FRAS1: variants seen among roughly 807,000 people sequenced by gnomAD.
The protein encoded by FRAS1 is extracellular matrix organizing protein FRAS1.
FRAS1 carries 290 observed loss-of-function variants against 435.2 expected under a neutral mutation model. That is an observed-to-expected ratio of 0.67 (90% CI 0.61 to 0.73). The LOEUF (loss-of-function observed/expected upper bound fraction) is 0.73, where lower values mean the gene tolerates loss of function less well. Among genes scored for constraint, FRAS1 ranks in the 30% least tolerant of loss-of-function variants. The pLI is 0.00. For missense variants in FRAS1, 4,860 were observed against 5,001.5 expected (o/e 0.97, Z 0.85); for synonymous variants, 1,800 against 1,851.0 (o/e 0.97, Z 0.71).
intron 2 of FRAS1, among the ~76,000 whole-genome samples, chr4:78,069,537 C>T (rs4859912): frequency 0.21 from 31,410 of 152,054 alleles, 3,490 homozygotes; most frequent in African/African-American, 0.27. Flanking sequence ...TACAAACCAG[C>T]TCTGTGACAT....
chr4:78,486,590 A>T (rs1720174674), intron 58 of FRAS1, among the ~76,000 whole-genome samples: 1 of 152,144 alleles, frequency 6.6e-6, no homozygotes, highest in African/African-American at 2.4e-5. Context: ...CTTCCTGGGG[A>T]TTATACTGCC....
intron 66 of FRAS1, 129 bp from the exon 67 acceptor site, chr4:78,519,202 C>A: frequency 1.4e-6 from 1 of 726,732 alleles, no homozygotes; most frequent in Non-Finnish European, 2.0e-6. Context: ...ATCATGGGCA[C>A]TTGCTTAATA....
chr4:78,095,165 T>G (rs1741733099), intron 2 of FRAS1, among the ~76,000 whole-genome samples: 1 of 152,240 alleles, frequency 6.6e-6, no homozygotes, highest in Non-Finnish European at 1.5e-5. Context: ...TATTTAAAAA[T>G]GTTGAAACTT....
Position 78,317,471 on chromosome 4 carries a change from T to C in FRAS1, c.1923T>C (p.Cys641=). 2 of 1,613,808 alleles carry C rather than the reference T, an allele frequency of 1.2e-6. No homozygotes were observed. Among genetic ancestry groups the C allele is most frequent in the South Asian group, 2.2e-5 (2 of 91,070 alleles). ...GTCAAGGCCACTGTCTGCCCCGCTG[T>C]GGAGAGGGTTTCTACTCTGACCATG... ...ALRQGHCLPR[C]GEGFYSDHGV... Residue 641 remains cysteine, a synonymous_variant, in exon 17 of 74, where the codon TGT becomes TGC. Transcript: ENST00000512123.
intron 2 of FRAS1, among the ~76,000 whole-genome samples, chr4:78,144,914 C>T (rs538531126): frequency 7.3e-4 from 111 of 152,216 alleles, no homozygotes; most frequent in Admixed American, 2.4e-3. Flanking sequence ...ATAAATAGTG[C>T]TATAACAAAC....
At chr4:78,104,386 GC>G (rs1290121235) in intron 2 of FRAS1, among the ~76,000 whole-genome samples, 3 of 152,174 alleles carry the variant, frequency 2.0e-5, no homozygotes, top group African/African-American at 7.2e-5. Flanking sequence ...CACAACCTTG[GC>G]AGATGGGTGG....
rs546714449 is a variant in FRAS1 at position 78,474,724 on chromosome 4, T to C, written c.7683-714T>C. ...CTGCTGTCCTCACAGCAACAAGACATGCACCCAGGTCTAGGGGCCATCCTC... is the reference window on the plus strand; with the variant it reads ...CTGCTGTCCTCACAGCAACAAGACACGCACCCAGGTCTAGGGGCCATCCTC... On this transcript the variant is annotated intron_variant, in intron 53 of 73. Transcript: ENST00000512123. 2.3e-4 allele frequency among the ~76,000 whole-genome samples: 35 copies of C among 152,294 alleles called. 1 individual carries two copies. The highest frequency in any genetic ancestry group is 6.5e-4 in the Admixed American group (10 of 15,284).
chr4:78,520,822 G>A (rs1324518349), intron 67 of FRAS1, among the ~76,000 whole-genome samples: 1 of 152,202 alleles, frequency 6.6e-6, no homozygotes, highest in African/African-American at 2.4e-5. Flanking sequence ...TTTCTTCTGT[G>A]AAATGTCTTA....
chr4:78,239,047 T>C lies in FRAS1; in HGVS notation c.216+1430T>C, dbSNP rs188433900. Among the ~76,000 whole-genome samples the C allele has an allele frequency of 4.7e-3, 717 of 152,354 alleles. 2 individuals are homozygous for C. The highest frequency in any genetic ancestry group is 6.4e-3 in the Non-Finnish European group (432 of 68,018). Reference sequence around the variant, plus strand: ...AAACACGGGCTCACTTATTTGTTTATGTATAGACCTTGGCTGCAACAATAG... The same window carrying C: ...AAACACGGGCTCACTTATTTGTTTACGTATAGACCTTGGCTGCAACAATAG... On this transcript the variant is annotated intron_variant, in intron 3 of 73. Transcript: ENST00000512123.
chr4:78,204,096 A>C (rs896886619), intron 2 of FRAS1, among the ~76,000 whole-genome samples: 1 of 152,228 alleles, frequency 6.6e-6, no homozygotes, highest in East Asian at 1.9e-4. Context: ...ATGAGTTCAA[A>C]GTTAATGAAT....
At chr4:78,358,380 C>T (rs987628650) in intron 20 of FRAS1, among the ~76,000 whole-genome samples, 2 of 151,964 alleles carry the variant, frequency 1.3e-5, no homozygotes, top group South Asian at 2.1e-4. Flanking sequence ...AAATACAAGT[C>T]GATAGGAACT....
intron 2 of FRAS1, among the ~76,000 whole-genome samples, chr4:78,197,089 A>C (rs1173697930): frequency 6.6e-6 from 1 of 152,210 alleles, no homozygotes; most frequent in East Asian, 1.9e-4. Flanking sequence ...AATTCCTTTC[A>C]TCCTTTTGCT....
At chr4:78,122,612 A>AT (rs1278185134) in intron 2 of FRAS1, among the ~76,000 whole-genome samples, 1 of 151,970 alleles carries the variant, frequency 6.6e-6, no homozygotes, top group Non-Finnish European at 1.5e-5. Context: ...AAGCATTTCT[A>AT]TTTTTCCACA....
intron 2 of FRAS1, among the ~76,000 whole-genome samples, chr4:78,217,039 G>C (rs1251001930): frequency 6.6e-6 from 1 of 151,924 alleles, no homozygotes; most frequent in Non-Finnish European, 1.5e-5. Context: ...TGTTAGTCAG[G>C]GTTCTCCAGA....
Position 78,478,001 on chromosome 4 carries a change from A to G in FRAS1, c.8038A>G (p.Lys2680Glu), listed in dbSNP as rs1267389306. ...TEDEPTLEFD[K>E]KIYWVNESAG... ...GGATGAACCCACATTAGAGTTTGAC[A>G]AGAAGATCTACTGGGTTAACGAGAG... Residue 2680 changes from lysine (K) to glutamate (E), a missense_variant, in exon 55 of 74, where the codon AAG (lysine) becomes GAG (glutamate). Coordinates refer to ENST00000512123, the MANE Select transcript of FRAS1 (RefSeq NM_025074.7). 4 of 1,608,580 alleles carry G rather than the reference A, an allele frequency of 2.5e-6. No individual in the cohort carries two copies. The highest frequency in any genetic ancestry group is 2.7e-5 in the African/African-American group (2 of 74,882).
At chr4:78,116,767 G>T (rs1487587399) in intron 2 of FRAS1, among the ~76,000 whole-genome samples, 1 of 152,114 alleles carries the variant, frequency 6.6e-6, no homozygotes, top group East Asian at 1.9e-4. Flanking sequence ...ACACTGATTG[G>T]TCTTGACTCT....
chr4:78,337,992 T>C (rs1481972205), intron 20 of FRAS1, 175 bp downstream of exon 20: 2 of 601,738 alleles, frequency 3.3e-6, no homozygotes, highest in Non-Finnish European at 5.9e-6. Flanking sequence ...TAAATACTTG[T>C]GGATTTAAAT....
chr4:78,093,967 C>A (rs1006348146), intron 2 of FRAS1, among the ~76,000 whole-genome samples: 9 of 152,014 alleles, frequency 5.9e-5, no homozygotes, highest in African/African-American at 2.2e-4. Flanking sequence ...TGAAGCTCAC[C>A]CCCCTCCCCT....
chr4:78,150,270 A>G (rs1361397792), intron 2 of FRAS1, among the ~76,000 whole-genome samples: 2 of 152,172 alleles, frequency 1.3e-5, no homozygotes, highest in Admixed American at 1.3e-4. Flanking sequence ...GGACAAGATA[A>G]GTAGTTTTCA....
Sources: allele counts gnomAD v4.1 joint callset (sites outside exome capture counted in the v4.1 genomes callset), GRCh38; gene constraint gnomAD v4.1.1; transcripts MANE v1.5; gene names NCBI Gene and HGNC (gene_info 2026-07-23, HGNC 2026-07-21).